CHST11: variants seen among roughly 807,000 people sequenced by gnomAD.
CHST11 encodes carbohydrate sulfotransferase 11, also known as C4S-1.
A neutral mutation model predicts 30.4 loss-of-function variants in CHST11; 9 were observed. The observed-to-expected ratio is 0.30, with a 90% CI of 0.18 to 0.52. CHST11 has a LOEUF of 0.52. CHST11 is among the 20% of genes least tolerant of loss of function. The pLI is 0.97. For synonymous variants in CHST11, 152 were observed against 187.8 expected, an observed-to-expected ratio of 0.81 and a Z score of 1.56; for missense variants, 348 against 460.6, an observed-to-expected ratio of 0.76 and a Z score of 2.24.
chr12:104,644,935 C>T (rs893086792), intron 2 of CHST11, among the ~76,000 whole-genome samples: 2 of 152,284 alleles, frequency 1.3e-5, no homozygotes, highest in Admixed American at 1.3e-4. Flanking sequence ...TGCAGCGAGC[C>T]TTCTTCCACT....
Position 104,760,344 on chromosome 12 carries a change from C to G in CHST11, c.*2541C>G, listed in dbSNP as rs2136152085. 1 of 152,124 alleles carries G rather than the reference C, an allele frequency of 6.6e-6. No individual in the cohort carries two copies. The highest frequency in any genetic ancestry group is 1.9e-4 in the East Asian group (1 of 5,178). 9.4% of individuals were successfully genotyped at this position (152,124 alleles called of 1,614,324 possible). ...ATTTAATGAAGCAATGGTTCTAATC[C>G]TGGATACTGCCACGGACTACAATTC... On this transcript the variant is annotated 3_prime_UTR_variant, in exon 3 of 3. Coordinates refer to ENST00000303694, the MANE Select transcript of CHST11 (RefSeq NM_018413.6).
Position 104,666,001 on chromosome 12 carries a change from A to G in CHST11, c.204+64010A>G, listed in dbSNP as rs142749505. ...TGCCCAGCTAATGTTTTGTATTTTA[A>G]TAGAGATGGGGTTTCACCATGTTGG... is the stretch of plus-strand genomic sequence containing the variant. On this transcript the variant is annotated intron_variant, in intron 2 of 2. Transcript: ENST00000303694. 4.5e-3 allele frequency among the ~76,000 whole-genome samples: 682 copies of G among 151,322 alleles called. 6 individuals are homozygous for G. The highest frequency in any genetic ancestry group is 0.013 in the African/African-American group (535 of 41,226).
chr12:104,516,667 C>G (rs17035669), intron 1 of CHST11, among the ~76,000 whole-genome samples: 7,984 of 152,012 alleles, frequency 0.053, 266 homozygotes, highest in Admixed American at 0.11. Flanking sequence ...TGGTAACATG[C>G]CATCCATTGA....
intron 2 of CHST11, among the ~76,000 whole-genome samples, chr12:104,623,913 C>T (rs1049239038): frequency 2.6e-5 from 4 of 152,126 alleles, no homozygotes; most frequent in African/African-American, 9.7e-5. Flanking sequence ...TCTCTAGCCA[C>T]GAAGCCTTGT....
intron 1 of CHST11, among the ~76,000 whole-genome samples, chr12:104,545,214 C>T (rs559698955): frequency 6.6e-6 from 1 of 152,374 alleles, no homozygotes; most frequent in Admixed American, 6.5e-5. Context: ...TCATGTTCCT[C>T]CACACTCAGA....
chr12:104,731,343 G>T (rs1244381355), intron 2 of CHST11, among the ~76,000 whole-genome samples: 2 of 152,244 alleles, frequency 1.3e-5, no homozygotes, highest in African/African-American at 4.8e-5. Flanking sequence ...AAAGCCGAAA[G>T]AAGTACACCA....
chr12:104,546,434 T>C (rs1050239277), intron 1 of CHST11, among the ~76,000 whole-genome samples: 10 of 147,518 alleles, frequency 6.8e-5, no homozygotes, highest in Non-Finnish European at 1.2e-4. Flanking sequence ...TGCCATTGCA[T>C]CCCACCTTGG....
At chr12:104,692,866 A>AC (rs2039909439) in intron 2 of CHST11, among the ~76,000 whole-genome samples, 1 of 53,178 alleles carries the variant, frequency 1.9e-5, no homozygotes, top group East Asian at 6.2e-4. Flanking sequence ...CGCCCCTCCC[A>AC]CCCCCATCCA....
intron 1 of CHST11, among the ~76,000 whole-genome samples, chr12:104,554,383 A>G (rs1027466630): frequency 2.0e-5 from 3 of 152,218 alleles, no homozygotes; most frequent in Admixed American, 6.5e-5. Context: ...GGAAATGCCC[A>G]TCTTGATGGG....
At chr12:104,500,545 C>T (rs61939974) in intron 1 of CHST11, among the ~76,000 whole-genome samples, 3 of 99,722 alleles carry the variant, frequency 3.0e-5, no homozygotes, top group African/African-American at 1.3e-4. Flanking sequence ...TGGTATTTCT[C>T]TGTGAAATGA....
intron 2 of CHST11, among the ~76,000 whole-genome samples, chr12:104,670,411 A>C (rs2039679633): frequency 6.7e-6 from 1 of 148,478 alleles, no homozygotes. Flanking sequence ...TCCTCCACCC[A>C]CCCCCAACAT....
chr12:104,663,852 C>T (rs141610713), intron 2 of CHST11, among the ~76,000 whole-genome samples: 69 of 152,280 alleles, frequency 4.5e-4, no homozygotes, highest in African/African-American at 1.7e-3. Flanking sequence ...TGTTCCCTTT[C>T]TTCCACCCAT....
chr12:104,512,865 C>T (rs1030266047), intron 1 of CHST11, among the ~76,000 whole-genome samples: 33 of 152,156 alleles, frequency 2.2e-4, no homozygotes, highest in Non-Finnish European at 2.9e-4. Flanking sequence ...GCCTCAGGTG[C>T]GCAGCCTTTT....
chr12:104,749,054 A>G (rs918267455), intron 2 of CHST11, among the ~76,000 whole-genome samples: 1 of 152,198 alleles, frequency 6.6e-6, no homozygotes, highest in East Asian at 1.9e-4. Context: ...AAGAGTCCCA[A>G]CGGGTTCCTT....
intron 2 of CHST11, among the ~76,000 whole-genome samples, chr12:104,738,562 A>G (rs911603065): frequency 2.0e-5 from 3 of 152,206 alleles, no homozygotes; most frequent in Non-Finnish European, 4.4e-5. Flanking sequence ...CCGCCCCATG[A>G]TGCAATGAGG....
At chr12:104,460,269 G>T (rs1360242825) in intron 1 of CHST11, among the ~76,000 whole-genome samples, 1 of 152,154 alleles carries the variant, frequency 6.6e-6, no homozygotes, top group Non-Finnish European at 1.5e-5. Context: ...CCTCTGGCAG[G>T]GGTTCCAGAT....
intron 1 of CHST11, among the ~76,000 whole-genome samples, chr12:104,578,697 A>G (rs1232145171): frequency 6.6e-6 from 1 of 152,208 alleles, no homozygotes; most frequent in Non-Finnish European, 1.5e-5. Context: ...CATGTAAGCC[A>G]TGGAAAGCGC....
intron 1 of CHST11, among the ~76,000 whole-genome samples, chr12:104,461,713 T>G (rs570323152): frequency 6.6e-6 from 1 of 152,378 alleles, no homozygotes; most frequent in African/African-American, 2.4e-5. Flanking sequence ...ACCTGGGATT[T>G]CTTTGCCTCG....
At chr12:104,515,218 C>G (rs139092422) in intron 1 of CHST11, among the ~76,000 whole-genome samples, 1 of 152,204 alleles carries the variant, frequency 6.6e-6, no homozygotes, top group African/African-American at 2.4e-5. Context: ...TTCGCTGGAA[C>G]TCAGCCATGC....
Sources: allele counts gnomAD v4.1 joint callset (sites outside exome capture counted in the v4.1 genomes callset), GRCh38; gene constraint gnomAD v4.1.1; transcripts MANE v1.5; gene names NCBI Gene and HGNC (gene_info 2026-07-23, HGNC 2026-07-21).